SPEF2: variants seen among roughly 807,000 people sequenced by gnomAD.
SPEF2 encodes sperm flagella and cilia-associated protein 2.
SPEF2 carries 187 observed loss-of-function variants against 224.6 expected under a neutral mutation model. The observed-to-expected ratio is 0.83, with a 90% CI of 0.74 to 0.94. SPEF2 has a LOEUF of 0.94. SPEF2 is among the 40% of genes least tolerant of loss of function. The pLI is 0.00. For missense variants in SPEF2, 2,170 were observed against 2,135.6 expected, an observed-to-expected ratio of 1.02 and a Z score of -0.32; for synonymous variants, 715 against 707.3, an observed-to-expected ratio of 1.01 and a Z score of -0.17.
intron 21 of SPEF2, among the ~76,000 whole-genome samples, chr5:35,729,623 A>T (rs1325168221): frequency 6.6e-6 from 1 of 151,784 alleles, no homozygotes. Context: ...GTTCGTTTCC[A>T]CTCTGGACTC....
intron 15 of SPEF2, chr5:35,698,352 A>G (rs530163850): frequency 2.0e-5 from 3 of 152,308 alleles, no homozygotes; most frequent in African/African-American, 7.2e-5. Context: ...TGTTTTCTTA[A>G]AAGATGACAT....
At chr5:35,629,489 C>A (rs1175780952) in intron 2 of SPEF2, among the ~76,000 whole-genome samples, 1 of 152,072 alleles carries the variant, frequency 6.6e-6, no homozygotes, top group Non-Finnish European at 1.5e-5. Context: ...AGTGAAACAA[C>A]ATATAGTGCT....
chr5:35,809,337 A>G (rs1758395694), intron 36 of SPEF2, among the ~76,000 whole-genome samples: 1 of 152,220 alleles, frequency 6.6e-6, no homozygotes, highest in Admixed American at 6.5e-5. Context: ...GAATTGCAAG[A>G]AAGTGATATA....
intron 30 of SPEF2, chr5:35,781,588 T>G (rs1025109852): frequency 6.6e-6 from 1 of 152,114 alleles, no homozygotes; most frequent in African/African-American, 2.4e-5. Flanking sequence ...AACCACCTCC[T>G]CCCACCCAAG....
intron 10 of SPEF2, chr5:35,671,618 A>C (rs1751227275): frequency 1.4e-6 from 1 of 707,064 alleles, no homozygotes; most frequent in African/African-American, 2.0e-5. Context: ...TTACTTGCTA[A>C]ACAGCTCAAT....
At chr5:35,703,094 A>C (rs969646895) in intron 16 of SPEF2, among the ~76,000 whole-genome samples, 6 of 107,058 alleles carry the variant, frequency 5.6e-5, no homozygotes, top group Non-Finnish European at 1.1e-4. Context: ...GATATTTGTT[A>C]CTTTTTTATT....
chr5:35,739,464 G>T (rs1747211324), intron 21 of SPEF2, among the ~76,000 whole-genome samples: 1 of 152,156 alleles, frequency 6.6e-6, no homozygotes, highest in South Asian at 2.1e-4. Context: ...CTCAGTGCAA[G>T]CTCCGCCTCC....
chr5:35,627,565 G>A (rs999429010), intron 1 of SPEF2, among the ~76,000 whole-genome samples: 1 of 151,992 alleles, frequency 6.6e-6, no homozygotes, highest in African/African-American at 2.4e-5. Flanking sequence ...GCACTCAGAG[G>A]TTGTAGATTA....
At chr5:35,692,389 C>T (rs182361605) in intron 11 of SPEF2, among the ~76,000 whole-genome samples, 181 bp from the exon 12 acceptor site, 3 of 152,068 alleles carry the variant, frequency 2.0e-5, no homozygotes, top group Admixed American at 6.5e-5. Context: ...CCAGCCTAGG[C>T]GACAGAGCGA....
intron 26 of SPEF2, chr5:35,764,559 A>G (rs1417121807): frequency 2.2e-6 from 1 of 456,048 alleles, no homozygotes; most frequent in African/African-American, 2.0e-5. Flanking sequence ...GTCTACCAAG[A>G]TGTCTTCTCT....
At position 35,692,600 on chromosome 5, in the gene SPEF2, C is replaced by T; in HGVS notation, c.1775C>T (p.Thr592Ile). ...DFPIQILSID[T>I]LVQEAIQAFH... Reference sequence around the variant, plus strand: ...CCTATACAGATACTTTCTATTGACACTCTTGTCCAAGAAGCTATCCAAGCA... The same window carrying T: ...CCTATACAGATACTTTCTATTGACATTCTTGTCCAAGAAGCTATCCAAGCA... The change falls in exon 12 of 37, where the codon ACT (threonine) becomes ATT (isoleucine). Residue 592 changes from threonine to isoleucine, a missense_variant. By Grantham distance (89) the Thr-to-Ile change is moderately conservative. Transcript: ENST00000356031. 1 of 1,612,942 alleles carries T rather than the reference C, an allele frequency of 6.2e-7. No individual in the cohort carries two copies. The highest frequency in any genetic ancestry group is 1.1e-5 in the South Asian group (1 of 90,978).
intron 30 of SPEF2, chr5:35,789,303 G>T (rs1755623059): frequency 1.4e-6 from 1 of 703,378 alleles, no homozygotes; most frequent in Non-Finnish European, 2.6e-6. Context: ...AATAAGAATA[G>T]AAATTCCTCA....
At chr5:35,775,155 G>T (rs2149790841) in intron 28 of SPEF2, among the ~76,000 whole-genome samples, 1 of 152,196 alleles carries the variant, frequency 6.6e-6, no homozygotes, top group South Asian at 2.1e-4. Flanking sequence ...GTTGCATGTT[G>T]ACCTGTTGAC....
At chr5:35,644,061 TATTTCCA>T (rs1417411711) in intron 3 of SPEF2, among the ~76,000 whole-genome samples, 1 of 152,156 alleles carries the variant, frequency 6.6e-6, no homozygotes, top group Non-Finnish European at 1.5e-5. Flanking sequence ...AAATAAAATT[TATTTCCA>T]AGAATATAAA....
intron 20 of SPEF2, among the ~76,000 whole-genome samples, chr5:35,721,877 T>G (rs1272353606): frequency 1.3e-5 from 2 of 152,186 alleles, no homozygotes; most frequent in East Asian, 3.9e-4. Context: ...CAAGTGGTTA[T>G]GCCCCTAGGA....
At position 35,814,546 on chromosome 5, in the gene SPEF2, AGAAAT is replaced by A. The variant is rs1758722422; in HGVS notation, c.5466_*1del. 1 of 1,594,560 alleles carries A rather than the reference AGAAAT, an allele frequency of 6.3e-7. No homozygotes were observed. Among genetic ancestry groups the A allele is most frequent in the Non-Finnish European group, 8.6e-7 (1 of 1,168,764 alleles). ...TCACCTTCAAGACATACAGAGGAAA[AGAAAT>A]GAAGACAAAAGAGTGTGATTTTTTT... On this transcript the variant is annotated frameshift_variant and stop_lost, in exon 37 of 37. Transcript: ENST00000356031. LOFTEE classifies it high-confidence loss of function.
intron 30 of SPEF2, chr5:35,790,178 G>T: frequency 1.4e-6 from 1 of 701,308 alleles, no homozygotes; most frequent in Non-Finnish European, 2.6e-6. Context: ...AATGGACCAA[G>T]TCACATATGC....
At position 35,697,783 on chromosome 5, in the gene SPEF2, A is replaced by G. The variant is rs1446978199; in HGVS notation, c.2131A>G (p.Asn711Asp). The G allele has an allele frequency of 6.2e-7, 1 of 1,610,526 alleles. No individual in the cohort carries two copies. The highest frequency in any genetic ancestry group is 1.7e-5 in the Admixed American group (1 of 59,902). Residue 711 changes from asparagine to aspartate, a missense_variant, in exon 15 of 37, where the codon AAT becomes GAT. Asn to Asp is a conservative substitution (Grantham distance 23, BLOSUM62 1). Coordinates refer to ENST00000356031, the MANE Select transcript of SPEF2 (RefSeq NM_024867.4). The part of the protein sequence containing the change: ...PDVLLVDIIV[N>D]AINEIPVNQD... ...TGTGCTGCTTGTTGACATCATAGTA[A>G]ATGCTATTAAGTATGTATTGCATTT...
At chr5:35,780,833 G>A (rs1400346621) in intron 30 of SPEF2, among the ~76,000 whole-genome samples, 2 of 152,198 alleles carry the variant, frequency 1.3e-5, no homozygotes, top group Non-Finnish European at 2.9e-5. Flanking sequence ...GGGGACACTT[G>A]AATAGGTAGA....
Sources: allele counts gnomAD v4.1 joint callset (sites outside exome capture counted in the v4.1 genomes callset), GRCh38; gene constraint gnomAD v4.1.1; transcripts MANE v1.5; gene names NCBI Gene and HGNC (gene_info 2026-07-23, HGNC 2026-07-21).